LYZL4: variants seen among roughly 807,000 people sequenced by gnomAD.
LYZL4 encodes lysozyme like 4, also known as lysozyme-like protein 4.
Under a neutral mutation model 17.6 loss-of-function variants are expected in LYZL4, and 13 were observed. That is an observed-to-expected ratio of 0.74 (90% CI 0.48 to 1.18). The LOEUF (loss-of-function observed/expected upper bound fraction) is 1.18. Ranked by LOEUF, LYZL4 falls within the 50% of genes most tolerant of loss-of-function variation. LYZL4 has a pLI of 0.00. For missense variants in LYZL4, 174 were observed against 188.2 expected (o/e 0.92, Z 0.44); for synonymous variants, 64 against 67.7 (o/e 0.95, Z 0.27).
At chr3:42,398,962 G>A (rs1027258547) in intron 4 of LYZL4, among the ~76,000 whole-genome samples, 3 of 152,012 alleles carry the variant, frequency 2.0e-5, no homozygotes, top group Non-Finnish European at 4.4e-5. Context: ...GGTCTAATAA[G>A]CCTAATTTAT....
the LYZL4 span, among the ~76,000 whole-genome samples, chr3:42,365,893 C>A: frequency 6.6e-6 from 1 of 152,128 alleles, no homozygotes; most frequent in African/African-American, 2.4e-5. Context: ...GAAATAATGA[C>A]AACTTTTGTT....
chr3:42,401,166 C>T (rs886807599), intron 4 of LYZL4, among the ~76,000 whole-genome samples: 10 of 151,846 alleles, frequency 6.6e-5, no homozygotes, highest in South Asian at 4.2e-4. Flanking sequence ...GGGACCTATG[C>T]GGAAATATCA....
the LYZL4 span, among the ~76,000 whole-genome samples, chr3:42,374,331 T>A: frequency 6.6e-6 from 1 of 152,238 alleles, no homozygotes; most frequent in Non-Finnish European, 1.5e-5. Flanking sequence ...TTTAAATTAT[T>A]CACTCCAAGT....
At chr3:42,363,760 GA>G in the LYZL4 span, among the ~76,000 whole-genome samples, 3 of 152,198 alleles carry the variant, frequency 2.0e-5, no homozygotes, top group Non-Finnish European at 2.9e-5. Flanking sequence ...CCAGCACTAT[GA>G]AAATGGTTGA....
At chr3:42,376,293 T>C in the LYZL4 span, among the ~76,000 whole-genome samples, 2 of 152,156 alleles carry the variant, frequency 1.3e-5, no homozygotes, top group Non-Finnish European at 2.9e-5. Context: ...GGTGGGGAAG[T>C]AGAGGCTGAA....
chr3:42,407,048 A>T (rs1385869426), intron 2 of LYZL4, 50 bp from the exon 3 acceptor site: 2 of 1,613,726 alleles, frequency 1.2e-6, no homozygotes, highest in African/African-American at 1.3e-5. Flanking sequence ...GGAGTTGGGG[A>T]TGCTTGGCCA....
At chr3:42,380,627 C>A in the LYZL4 span, among the ~76,000 whole-genome samples, 1 of 152,178 alleles carries the variant, frequency 6.6e-6, no homozygotes, top group Non-Finnish European at 1.5e-5. Context: ...AGCTTTCTAA[C>A]CAGTTCCCAG....
At chr3:42,383,500 GA>G in the LYZL4 span, among the ~76,000 whole-genome samples, 31 of 148,792 alleles carry the variant, frequency 2.1e-4, no homozygotes, top group East Asian at 5.7e-3. Context: ...TATATAACTT[GA>G]TGAACCTGAC....
At chr3:42,379,128 G>C in the LYZL4 span, among the ~76,000 whole-genome samples, 2 of 152,162 alleles carry the variant, frequency 1.3e-5, no homozygotes, top group African/African-American at 2.4e-5. Flanking sequence ...TCTGTGATTT[G>C]GCAGGGCTCA....
downstream of LYZL4, among the ~76,000 whole-genome samples, chr3:42,393,039 CA>C (rs149885221): frequency 1.8e-3 from 279 of 151,916 alleles, 3 homozygotes; most frequent in African/African-American, 6.3e-3. Flanking sequence ...AGCCAAAAGC[CA>C]AAATCTTCAG....
intron 1 of LYZL4, among the ~76,000 whole-genome samples, chr3:42,410,109 T>C (rs1698836655): frequency 6.6e-6 from 1 of 152,208 alleles, no homozygotes; most frequent in South Asian, 2.1e-4. Context: ...CATTAATCAA[T>C]ATCAGGAATT....
the LYZL4 span, among the ~76,000 whole-genome samples, chr3:42,364,204 G>A: frequency 1.3e-5 from 2 of 152,166 alleles, no homozygotes; most frequent in Non-Finnish European, 2.9e-5. Flanking sequence ...CCCTGCCTCA[G>A]AACATTGCTG....
chr3:42,394,873 T>C (rs558919473), downstream of LYZL4, among the ~76,000 whole-genome samples: 41 of 152,310 alleles, frequency 2.7e-4, no homozygotes, highest in Non-Finnish European at 5.1e-4. Context: ...GGAGATAGTG[T>C]TTTCATCAAT....
the LYZL4 span, among the ~76,000 whole-genome samples, chr3:42,373,385 G>C: frequency 6.6e-6 from 1 of 152,124 alleles, no homozygotes; most frequent in Admixed American, 6.5e-5. Context: ...ATTTGTAGCA[G>C]ATCAGCTTTC....
the LYZL4 span, among the ~76,000 whole-genome samples, chr3:42,380,320 C>T: frequency 6.6e-6 from 1 of 152,088 alleles, no homozygotes; most frequent in Non-Finnish European, 1.5e-5. Context: ...AGTTATTTGC[C>T]CAAAGTCACA....
At chr3:42,402,803 T>A (rs33516) in intron 4 of LYZL4, among the ~76,000 whole-genome samples, 50,197 of 152,102 alleles carry the variant, frequency 0.33, 8,968 homozygotes, top group African/African-American at 0.46. Flanking sequence ...TCACCAAAAG[T>A]TAAGTATAGA....
At chr3:42,405,256 G>A (rs1434707381) in intron 3 of LYZL4, among the ~76,000 whole-genome samples, 1 of 152,162 alleles carries the variant, frequency 6.6e-6, no homozygotes, top group Admixed American at 6.5e-5. Flanking sequence ...CACCGTGTTA[G>A]CCAGGATGGT....
chr3:42,386,442 A>G, the LYZL4 span, among the ~76,000 whole-genome samples: 1 of 114,236 alleles, frequency 8.8e-6, no homozygotes, highest in African/African-American at 3.3e-5. Context: ...CCTTGTGGTT[A>G]CTTTGGGCCC....
the LYZL4 span, among the ~76,000 whole-genome samples, chr3:42,362,704 C>T: frequency 1.3e-5 from 2 of 152,282 alleles, no homozygotes; most frequent in Admixed American, 6.5e-5. Context: ...AATACCATTA[C>T]ATTGGGAATT....
Sources: gnomAD v4.1 joint callset for allele counts (sites outside exome capture counted in the v4.1 genomes callset) on GRCh38, gnomAD v4.1.1 for gene constraint, MANE v1.5 for transcripts, NCBI Gene and HGNC (gene_info 2026-07-23, HGNC 2026-07-21) for gene names.